The following DCC variants were observed in gnomAD, a reference collection of about 807,000 sequenced individuals.
The protein encoded by DCC is netrin receptor DCC.
In DCC, 58 loss-of-function variants were observed where a neutral mutation model predicts 172.5. The ratio of observed to expected loss-of-function variants is 0.34; its 90% CI spans 0.27 to 0.42. DCC has a LOEUF of 0.42. Among genes scored for constraint, DCC ranks in the 10% least tolerant of loss-of-function variants. The pLI is 1.00. For synonymous variants in DCC, 709 were observed against 644.5 expected (o/e 1.10, Z -1.52); for missense variants, 1,740 against 1,791.0 (o/e 0.97, Z 0.51).
intron 1 of DCC, among the ~76,000 whole-genome samples, chr18:52,448,266 T>C (rs150015374): frequency 3.4e-4 from 52 of 152,284 alleles, no homozygotes; most frequent in African/African-American, 1.2e-3. Flanking sequence ...TGAAACAGTT[T>C]CATCCCAAAA....
intron 7 of DCC, among the ~76,000 whole-genome samples, chr18:53,080,647 T>C (rs529315588): frequency 6.6e-6 from 1 of 152,236 alleles, no homozygotes; most frequent in Admixed American, 6.5e-5. Flanking sequence ...GAATGCAGAA[T>C]ATTTTGTAGT....
intron 2 of DCC, among the ~76,000 whole-genome samples, chr18:52,762,717 A>G (rs2037183585): frequency 6.6e-6 from 1 of 151,980 alleles, no homozygotes; most frequent in Non-Finnish European, 1.5e-5. Flanking sequence ...CTAGCTACTT[A>G]GGAGGCTGAA....
intron 1 of DCC, among the ~76,000 whole-genome samples, chr18:52,401,255 G>A (rs1010204494): frequency 1.3e-5 from 2 of 151,912 alleles, no homozygotes; most frequent in Non-Finnish European, 2.9e-5. Flanking sequence ...GCATAACTCT[G>A]ACCACATTCA....
At chr18:52,484,076 T>C (rs1220932261) in intron 1 of DCC, among the ~76,000 whole-genome samples, 1 of 152,186 alleles carries the variant, frequency 6.6e-6, no homozygotes, top group Non-Finnish European at 1.5e-5. Flanking sequence ...TTTTGACTTT[T>C]CTTCCCCACC....
intron 5 of DCC, among the ~76,000 whole-genome samples, chr18:52,926,289 G>C (rs771486600): frequency 6.6e-5 from 10 of 151,894 alleles, no homozygotes; most frequent in African/African-American, 2.2e-4. Flanking sequence ...TGTCTTCAAA[G>C]GTTATTCAGA....
intron 15 of DCC, among the ~76,000 whole-genome samples, chr18:53,370,922 A>T (rs751162475): frequency 7.2e-5 from 11 of 151,834 alleles, no homozygotes; most frequent in Non-Finnish European, 1.2e-4. Flanking sequence ...AACAAAAAAA[A>T]ATTTTACCGA....
At chr18:52,818,877 A>C (rs567814609) in intron 2 of DCC, among the ~76,000 whole-genome samples, 8 of 152,362 alleles carry the variant, frequency 5.3e-5, no homozygotes, top group African/African-American at 1.4e-4. Flanking sequence ...AACAGATACA[A>C]AAAGTTAGAG....
chr18:53,409,888 C>T (rs1360717864), intron 19 of DCC, among the ~76,000 whole-genome samples: 1 of 152,104 alleles, frequency 6.6e-6, no homozygotes, highest in Non-Finnish European at 1.5e-5. Flanking sequence ...GAATATTGCC[C>T]AGACCTTTTA....
At chr18:53,134,928 A>G (rs1568324708) in intron 7 of DCC, among the ~76,000 whole-genome samples, 1 of 152,138 alleles carries the variant, frequency 6.6e-6, no homozygotes, top group African/African-American at 2.4e-5. Flanking sequence ...ACTCATTCAT[A>G]CCAATATTGT....
intron 2 of DCC, among the ~76,000 whole-genome samples, chr18:52,781,636 CA>C (rs2037546256): frequency 6.6e-6 from 1 of 152,030 alleles, no homozygotes; most frequent in Admixed American, 6.6e-5. Context: ...TGATCAGTAA[CA>C]GAAGTTATTG....
rs56285631 is a variant in DCC at position 53,483,958 on chromosome 18, CATAGATAGATAGATAGATAGATAG to C, written c.3737-2807_3737-2784del. The stretch of plus-strand genomic sequence containing the variant: ...ACTGTGAAACCTTTGCCTATGTTTG[CATAGATAGATAGATAGATAGATAG>C]ATAGATAGATAGATAGATAGATAGA... On this transcript the variant is annotated intron_variant, in intron 25 of 28. Transcript: ENST00000442544. Among the ~76,000 whole-genome samples the C allele has an allele frequency of 1.2e-4, 17 of 144,668 alleles. 1 individual carries two copies. The highest frequency in any genetic ancestry group is 2.0e-4 in the African/African-American group (8 of 39,114). The allele number at this position is 144,668 out of a possible 152,430, so 94.9% of individuals were successfully genotyped here.
At chr18:52,990,489 G>A (rs1408031092) in intron 5 of DCC, among the ~76,000 whole-genome samples, 7 of 126,648 alleles carry the variant, frequency 5.5e-5, no homozygotes, top group Admixed American at 2.2e-4. Context: ...ATGGTGAACC[G>A]AGATTGCAAC....
rs190201882 is a variant in DCC at position 53,430,744 on chromosome 18, G to A, written c.3164-4400G>A. 2.6e-4 allele frequency among the ~76,000 whole-genome samples: 39 copies of A among 152,222 alleles called. 1 individual carries two copies. In the East Asian group the frequency reaches 7.5e-3, roughly 29 times the overall value. ...AAAACATTACAAAGCATCCTAGCTA[G>A]CATTAGTTACTCATAGGACATTGAG... On this transcript the variant is annotated intron_variant, in intron 21 of 28. Coordinates refer to ENST00000442544, the MANE Select transcript of DCC (RefSeq NM_005215.4).
At chr18:53,403,119 C>CAT (rs1909433813) in intron 19 of DCC, among the ~76,000 whole-genome samples, 3 of 143,950 alleles carry the variant, frequency 2.1e-5, no homozygotes, top group South Asian at 2.2e-4. Flanking sequence ...CACACACACA[C>CAT]GTCATTTGAT....
At chr18:52,782,980 C>A (rs1431767906) in intron 2 of DCC, among the ~76,000 whole-genome samples, 1 of 152,008 alleles carries the variant, frequency 6.6e-6, no homozygotes, top group Admixed American at 6.6e-5. Context: ...TGTCTTTGGA[C>A]AGATGGTGCC....
intron 7 of DCC, among the ~76,000 whole-genome samples, chr18:53,103,211 C>T (rs2043198009): frequency 1.3e-5 from 2 of 151,910 alleles, no homozygotes; most frequent in South Asian, 4.1e-4. Context: ...ATAACACGAA[C>T]TACAAATCCA....
chr18:53,222,718 G>T (rs2055962036), intron 12 of DCC, among the ~76,000 whole-genome samples: 1 of 151,970 alleles, frequency 6.6e-6, no homozygotes, highest in Non-Finnish European at 1.5e-5. Context: ...AGGTTGCTAT[G>T]GCTTAAAAAA....
At chr18:52,824,172 T>A (rs1181155875) in intron 2 of DCC, among the ~76,000 whole-genome samples, 1 of 152,190 alleles carries the variant, frequency 6.6e-6, no homozygotes, top group African/African-American at 2.4e-5. Context: ...TGATGAGAAA[T>A]ACGCTGGTTT....
At chr18:53,461,700 C>T (rs16956779) in intron 24 of DCC, among the ~76,000 whole-genome samples, 73,980 of 152,052 alleles carry the variant, frequency 0.49, 19,013 homozygotes, top group Non-Finnish European at 0.58. Context: ...CAAGTATTGA[C>T]TGTCAACCAT....
Sources: allele counts gnomAD v4.1 joint callset (sites outside exome capture counted in the v4.1 genomes callset), GRCh38; gene constraint gnomAD v4.1.1; transcripts MANE v1.5; gene names NCBI Gene and HGNC (gene_info 2026-07-23, HGNC 2026-07-21).